AFG1L: variants seen among roughly 807,000 people sequenced by gnomAD.
AFG1L encodes AFG1-like ATPase.
AFG1L carries 53 observed loss-of-function variants against 62.2 expected under a neutral mutation model. That is an observed-to-expected ratio of 0.85 (90% CI 0.68 to 1.07). The LOEUF is 1.07. AFG1L is among the 50% of genes least tolerant of loss of function. The pLI, the probability that AFG1L is intolerant of heterozygous loss-of-function variation, is 0.00. For missense variants in AFG1L, 555 were observed against 590.5 expected (o/e 0.94, Z 0.62); for synonymous variants, 228 against 210.3 (o/e 1.08, Z -0.73).
At chr6:108,520,747 G>A (rs545190599) in intron 12 of AFG1L, 4 of 152,380 alleles carry the variant, frequency 2.6e-5, no homozygotes, top group African/African-American at 9.6e-5. Context: ...AAAACACCAT[G>A]AACTGGGTAG....
At chr6:108,393,413 G>C (rs900836839) in intron 6 of AFG1L, among the ~76,000 whole-genome samples, 1 of 151,904 alleles carries the variant, frequency 6.6e-6, no homozygotes, top group Non-Finnish European at 1.5e-5. Flanking sequence ...AATGATTTCT[G>C]TTTAGAATTC....
chr6:108,437,934 C>G (rs1771380727), intron 7 of AFG1L, among the ~76,000 whole-genome samples: 1 of 152,170 alleles, frequency 6.6e-6, no homozygotes, highest in Non-Finnish European at 1.5e-5. Context: ...CACCTACAAA[C>G]TATGTGGCCT....
intron 10 of AFG1L, among the ~76,000 whole-genome samples, chr6:108,478,728 G>A (rs1325191736): frequency 1.3e-5 from 2 of 152,174 alleles, no homozygotes; most frequent in Non-Finnish European, 2.9e-5. Flanking sequence ...AGGGGAACGG[G>A]AAAAGACAGG....
chr6:108,502,446 C>T (rs1164010640), intron 10 of AFG1L, among the ~76,000 whole-genome samples: 1 of 152,108 alleles, frequency 6.6e-6, no homozygotes, highest in African/African-American at 2.4e-5. Flanking sequence ...CTCAGGTGAT[C>T]CACTCGCTTC....
At chr6:108,317,267 C>T (rs549428476) in intron 1 of AFG1L, among the ~76,000 whole-genome samples, 30 of 152,204 alleles carry the variant, frequency 2.0e-4, no homozygotes, top group Non-Finnish European at 3.7e-4. Flanking sequence ...CACAGGAGAA[C>T]TGGAGTTATC....
intron 6 of AFG1L, among the ~76,000 whole-genome samples, chr6:108,383,743 G>A (rs942675489): frequency 2.0e-5 from 3 of 152,054 alleles, no homozygotes; most frequent in Admixed American, 6.5e-5. Flanking sequence ...AGATACAGTC[G>A]AGCATTTTAG....
At chr6:108,411,333 G>A (rs1375595031) in intron 7 of AFG1L, among the ~76,000 whole-genome samples, 1 of 152,228 alleles carries the variant, frequency 6.6e-6, no homozygotes, top group African/African-American at 2.4e-5. Context: ...CACCTCTGGG[G>A]GCAGGGCATA....
At chr6:108,495,334 C>A (rs1006265170) in intron 10 of AFG1L, among the ~76,000 whole-genome samples, 2 of 152,160 alleles carry the variant, frequency 1.3e-5, no homozygotes, top group Non-Finnish European at 2.9e-5. Flanking sequence ...AAGGAGGAGT[C>A]TATACAGATA....
chr6:108,307,498 C>T (rs1369619633), intron 1 of AFG1L, among the ~76,000 whole-genome samples: 1 of 150,660 alleles, frequency 6.6e-6, no homozygotes, highest in East Asian at 2.0e-4. Flanking sequence ...GCCGCCTAAA[C>T]CTCCCAGGTC....
intron 11 of AFG1L, among the ~76,000 whole-genome samples, chr6:108,516,608 C>T (rs1774904925): frequency 6.6e-6 from 1 of 152,208 alleles, no homozygotes. Flanking sequence ...GGGATGCCCT[C>T]TCTCACCACT....
chr6:108,390,680 G>A (rs968303968), intron 6 of AFG1L, among the ~76,000 whole-genome samples: 3 of 152,200 alleles, frequency 2.0e-5, no homozygotes, highest in South Asian at 2.1e-4. Flanking sequence ...TGCAAACAGC[G>A]AATATTGCTG....
Position 108,482,890 on chromosome 6 carries a change from T to C in AFG1L, c.1062+5598T>C, listed in dbSNP as rs1399715216. 2.6e-5 allele frequency among the ~76,000 whole-genome samples: 4 copies of C among 152,204 alleles called. No individual in the cohort carries two copies. The East Asian group carries it at 7.7e-4, about 29-fold the overall frequency. On this transcript the variant is annotated intron_variant, in intron 10 of 12. Transcript: ENST00000368977. The stretch of plus-strand genomic sequence containing the variant: ...TCATACTTGTCTGAGATAATGTTTG[T>C]CAGGTTTTTTTTTGCCCTAAAGTTA...
In AFG1L at chr6:108,476,954, C is replaced by T. The variant is rs1773130537; in HGVS notation, c.961+19C>T. The T allele has an allele frequency of 6.2e-7, 1 of 1,604,194 alleles. No individual in the cohort carries two copies. The highest frequency in any genetic ancestry group is 8.5e-7 in the Non-Finnish European group (1 of 1,171,072). ...AATGATTGTACGTAAGTTAATTTCT[C>T]TTGAAAGAGAATACATTTAGAACAC... On this transcript the variant is annotated intron_variant, in intron 9 of 12. Coordinates refer to ENST00000368977, the MANE Select transcript of AFG1L (RefSeq NM_145315.5).
At chr6:108,339,981 T>C (rs1778619589) in intron 2 of AFG1L, among the ~76,000 whole-genome samples, 1 of 152,100 alleles carries the variant, frequency 6.6e-6, no homozygotes, top group Non-Finnish European at 1.5e-5. Flanking sequence ...TATCAAATAG[T>C]AGGACTTATT....
At chr6:108,338,941 G>A (rs140617386) in intron 2 of AFG1L, among the ~76,000 whole-genome samples, 96 of 152,110 alleles carry the variant, frequency 6.3e-4, no homozygotes, top group African/African-American at 2.3e-3. Context: ...GGAGTGCAGC[G>A]GCATGATCTC....
At chr6:108,511,644 A>C (rs1056484797) in intron 11 of AFG1L, among the ~76,000 whole-genome samples, 2 of 152,214 alleles carry the variant, frequency 1.3e-5, no homozygotes, top group Non-Finnish European at 2.9e-5. Context: ...ATTAGAGTTA[A>C]TTTAAATATT....
rs1355869242 is a variant in AFG1L, at chr6:108,323,976, C to T, written c.291C>T (p.Val97=). The T allele has an allele frequency of 6.8e-6, 11 of 1,614,146 alleles. No individual in the cohort carries two copies. The highest frequency in any genetic ancestry group is 1.1e-5 in the South Asian group (1 of 91,066). ...AGGATGATGAACATCAAAGAAGAGTCATACAGTGTTTGCAGAAATTACACG... is the reference window on the plus strand; with the variant it reads ...AGGATGATGAACATCAAAGAAGAGTTATACAGTGTTTGCAGAAATTACACG... ...ELKDDEHQRR[V]IQCLQKLHED... The change falls in exon 2 of 13, where the codon GTC becomes GTT. Residue 97 remains valine (V), a synonymous_variant. Transcript: ENST00000368977.
intron 11 of AFG1L, among the ~76,000 whole-genome samples, chr6:108,519,453 A>G (rs1775035975): frequency 6.6e-6 from 1 of 152,212 alleles, no homozygotes; most frequent in Admixed American, 6.5e-5. Context: ...AAGTCTCCCA[A>G]TAAACCTTTG....
chr6:108,402,023 C>T lies in AFG1L; in HGVS notation c.776C>T (p.Ala259Val), dbSNP rs376291662. ...CTCTATAAAAATGGACTCCAAAGAG[C>T]TAACTTTGTACCATTCATAGCAGTC... is the stretch of plus-strand genomic sequence containing the variant. Reference protein sequence around the residue: ...EDLYKNGLQRANFVPFIAVLK... With the variant: ...EDLYKNGLQRVNFVPFIAVLK... The change falls in exon 7 of 13, where the codon GCT (alanine) becomes GTT (valine). Residue 259 changes from alanine to valine, a missense_variant. Ala to Val is a moderately conservative substitution (Grantham distance 64, BLOSUM62 0). Coordinates refer to ENST00000368977, the MANE Select transcript of AFG1L (RefSeq NM_145315.5). 5.3e-6 allele frequency: 8 copies of T among 1,519,986 alleles called. No homozygotes were observed. The African/African-American group carries it at 1.1e-4, about 22-fold the overall frequency. 94.2% of individuals were successfully genotyped at this position (1,519,986 alleles called of 1,614,324 possible).
Sources: allele counts gnomAD v4.1 joint callset (sites outside exome capture counted in the v4.1 genomes callset), GRCh38; gene constraint gnomAD v4.1.1; transcripts MANE v1.5; gene names NCBI Gene and HGNC (gene_info 2026-07-23, HGNC 2026-07-21).